Variants in FAM177A1 observed in about 807,000 individuals in gnomAD.
FAM177A1 encodes the protein family with sequence similarity 177 member A1.
FAM177A1 carries 22 observed loss-of-function variants against 26.1 expected under a neutral mutation model. That is an observed-to-expected ratio of 0.84 (90% confidence interval 0.60 to 1.20). The LOEUF (loss-of-function observed/expected upper bound fraction) is 1.20. FAM177A1 is among the 50% of genes most tolerant of loss of function. The probability of loss-of-function intolerance (pLI) is 0.00; values close to 1 mark genes in which losing one functional copy is unlikely to be tolerated. For missense variants in FAM177A1, 296 were observed against 291.1 expected (o/e 1.02, Z -0.12); for synonymous variants, 95 against 99.3 (o/e 0.96, Z 0.26).
chr14:35,051,054 T>G (rs74798544), intron 1 of FAM177A1, among the ~76,000 whole-genome samples: 8 of 152,156 alleles, frequency 5.3e-5, no homozygotes, highest in Non-Finnish European at 1.2e-4. Context: ...CTAGAAAGAA[T>G]TGTGACTTTT....
intron 2 of FAM177A1, among the ~76,000 whole-genome samples, chr14:35,065,705 T>TC (rs1218943893): frequency 6.6e-6 from 1 of 151,174 alleles, no homozygotes; most frequent in African/African-American, 2.4e-5. Flanking sequence ...AATTTTTTTT[T>TC]TTTTTTTTGA....
chr14:35,081,248 T>G lies in FAM177A1; in HGVS notation c.*20T>G. The stretch of plus-strand genomic sequence containing the variant: ...CCATAAAATGAAATGACTATCAAGC[T>G]TCAAACTCTTAAGTTTTTTTTTTTT... On this transcript the variant is annotated 3_prime_UTR_variant, in exon 5 of 5. Transcript: ENST00000280987. 2 of 1,577,276 alleles carry G rather than the reference T, an allele frequency of 1.3e-6. No individual in the cohort carries two copies. Among genetic ancestry groups the G allele is most frequent in the Non-Finnish European group, 1.7e-6 (2 of 1,168,404 alleles).
intron 2 of FAM177A1, among the ~76,000 whole-genome samples, chr14:35,066,910 C>T (rs182362201): frequency 1.9e-3 from 288 of 152,130 alleles, no homozygotes; most frequent in Middle Eastern, 6.8e-3. Context: ...TCTCCTATCT[C>T]AGCCTCCCTT....
chr14:35,058,878 A>G (rs958898800), intron 2 of FAM177A1, among the ~76,000 whole-genome samples: 2 of 151,930 alleles, frequency 1.3e-5, no homozygotes, highest in African/African-American at 4.8e-5. Context: ...CTTGCCTCAG[A>G]AAAAAAAGGA....
chr14:35,064,919 A>G (rs1351606269), intron 2 of FAM177A1, among the ~76,000 whole-genome samples: 1 of 152,038 alleles, frequency 6.6e-6, no homozygotes, highest in African/African-American at 2.4e-5. Context: ...CCCAAAGTGC[A>G]ATCCCAAAGT....
chr14:35,066,993 T>C (rs778728176), intron 2 of FAM177A1, among the ~76,000 whole-genome samples: 3 of 152,166 alleles, frequency 2.0e-5, no homozygotes, highest in Admixed American at 6.6e-5. Flanking sequence ...GGTTTCTCCA[T>C]GTTGGTCAGG....
chr14:35,065,917 G>C (rs964870908), intron 2 of FAM177A1, among the ~76,000 whole-genome samples: 4 of 151,874 alleles, frequency 2.6e-5, no homozygotes, highest in Non-Finnish European at 5.9e-5. Flanking sequence ...GTCAACAGGA[G>C]TTGGCCAGAC....
In FAM177A1 at chr14:35,067,390, A is replaced by G. The variant is rs190381923; in HGVS notation, c.340-9760A>G. Among the ~76,000 whole-genome samples the G allele has an allele frequency of 2.0e-5, 3 of 152,284 alleles. 1 individual carries two copies. The highest frequency in any genetic ancestry group is 2.0e-4 in the Admixed American group (3 of 15,284). Reference sequence around the variant, plus strand: ...ATTTTTAAAGGCTGAATTGTATTTCATTTTGTATATATGTCACATTTTCTT... The same window carrying G: ...ATTTTTAAAGGCTGAATTGTATTTCGTTTTGTATATATGTCACATTTTCTT... On this transcript the variant is annotated intron_variant, in intron 2 of 4. Coordinates refer to ENST00000280987, the MANE Select transcript of FAM177A1 (RefSeq NM_173607.5).
chr14:35,083,358 AT>A lies in FAM177A1; in HGVS notation c.*2131del, dbSNP rs2138580790. 6.5e-6 allele frequency: 1 copy of A among 152,812 alleles called. No individual in the cohort carries two copies. The highest frequency in any genetic ancestry group is 2.4e-5 in the African/African-American group (1 of 41,596). 9.5% of individuals were successfully genotyped at this position (152,812 alleles called of 1,614,324 possible). ...AGTTTATACTTTGTTTATGCAAACT[AT>A]AAAATTTCCCATAAATGTATTCAAT... On this transcript the variant is annotated 3_prime_UTR_variant, in exon 5 of 5. Coordinates refer to ENST00000280987, the MANE Select transcript of FAM177A1 (RefSeq NM_173607.5).
chr14:35,062,054 C>A (rs2045167074), intron 2 of FAM177A1, among the ~76,000 whole-genome samples: 2 of 152,034 alleles, frequency 1.3e-5, no homozygotes, highest in Admixed American at 1.3e-4. Context: ...GAGGGGGAAC[C>A]CTGTATTCTT....
At position 35,081,034 on chromosome 14, in the gene FAM177A1, G is replaced by A. The variant is rs754370370; in HGVS notation, c.517G>A (p.Glu173Lys). Residue 173 changes from glutamate (E) to lysine (K), a missense_variant, in exon 5 of 5, where the codon GAA becomes AAA. Coordinates refer to ENST00000280987, the MANE Select transcript of FAM177A1 (RefSeq NM_173607.5). Reference protein sequence around the residue: ...YRMKKEEEEEEEENRMSEEAE... With the variant: ...YRMKKEEEEEKEENRMSEEAE... ...TCCTTTTTTTTAGGAAGAAGAAGAA[G>A]AAGAAGAAAACAGGATGTCTGAAGA... is the stretch of plus-strand genomic sequence containing the variant. 2 of 1,605,522 alleles carry A rather than the reference G, an allele frequency of 1.2e-6. No homozygotes were observed. Among genetic ancestry groups the A allele is most frequent in the East Asian group, 4.5e-5 (2 of 44,552 alleles).
Position 35,046,380 on chromosome 14 carries a change from G to A in FAM177A1, c.-84G>A. ...GTCCCCTTCTCAGAGACTTGGCTAGGCGCGGCGCGAGGCGGGCGCTGGGCG... is the reference window on the plus strand; with the variant it reads ...GTCCCCTTCTCAGAGACTTGGCTAGACGCGGCGCGAGGCGGGCGCTGGGCG... On this transcript the variant is annotated 5_prime_UTR_variant, in exon 1 of 5. Transcript: ENST00000280987. The A allele has an allele frequency of 7.5e-7, 1 of 1,332,826 alleles. No homozygotes were observed. Among genetic ancestry groups the A allele is most frequent in the Non-Finnish European group, 9.7e-7 (1 of 1,028,838 alleles). The allele number at this position is 1,332,826 out of a possible 1,614,324, so 82.6% of individuals were successfully genotyped here.
At chr14:35,064,205 G>C (rs1015936047) in intron 2 of FAM177A1, among the ~76,000 whole-genome samples, 24 of 151,748 alleles carry the variant, frequency 1.6e-4, no homozygotes, top group African/African-American at 5.1e-4. Context: ...TGGCCATCAT[G>C]GGGAAACCTC....
intron 1 of FAM177A1, among the ~76,000 whole-genome samples, chr14:35,048,112 GACA>G (rs756194894): frequency 6.6e-6 from 1 of 152,144 alleles, no homozygotes; most frequent in Non-Finnish European, 1.5e-5. Flanking sequence ...GGATTCAGGG[GACA>G]ACATGAATTG....
At chr14:35,047,827 C>T (rs2044897991) in intron 1 of FAM177A1, among the ~76,000 whole-genome samples, 1 of 152,096 alleles carries the variant, frequency 6.6e-6, no homozygotes, top group African/African-American at 2.4e-5. Flanking sequence ...CTCTTCCCAT[C>T]CTCCATGAGA....
At chr14:35,045,241 C>T (rs1166795521), upstream of FAM177A1, 4 of 152,104 alleles carry the variant, frequency 2.6e-5, no homozygotes, top group African/African-American at 9.7e-5. Context: ...ATTTTATTAC[C>T]AGGATAGAGA....
intron 2 of FAM177A1, among the ~76,000 whole-genome samples, chr14:35,058,937 T>C (rs1038217450): frequency 6.6e-6 from 1 of 152,166 alleles, no homozygotes; most frequent in Admixed American, 6.6e-5. Context: ...GTGAGCTTTT[T>C]TTTGTTTTCT....
chr14:35,053,487 C>G, intron 2 of FAM177A1, 36 bp downstream of exon 2: 1 of 1,599,810 alleles, frequency 6.3e-7, no homozygotes, highest in Non-Finnish European at 8.5e-7. Context: ...CCTCAGTGGG[C>G]TTTGTTTTGA....
chr14:35,059,039 C>T (rs1011667037), intron 2 of FAM177A1, among the ~76,000 whole-genome samples: 1 of 151,802 alleles, frequency 6.6e-6, no homozygotes, highest in African/African-American at 2.4e-5. Context: ...GGGTTCACGC[C>T]ATTCTCCTGC....
Sources: allele counts gnomAD v4.1 joint callset (sites outside exome capture counted in the v4.1 genomes callset), GRCh38; gene constraint gnomAD v4.1.1; transcripts MANE v1.5; gene names NCBI Gene and HGNC (gene_info 2026-07-23, HGNC 2026-07-21).